KDM4B: variants seen among roughly 807,000 people sequenced by gnomAD.
KDM4B encodes the protein lysine demethylase 4B, also known as lysine-specific demethylase 4B.
In KDM4B, 32 loss-of-function variants were observed where a neutral mutation model predicts 125.2. The observed-to-expected ratio is 0.26, with a 90% CI of 0.19 to 0.34. The LOEUF is 0.34. KDM4B is among the 10% of genes least tolerant of loss of function. KDM4B has a pLI of 1.00. For synonymous variants in KDM4B, 721 were observed against 677.9 expected (o/e 1.06, Z -0.99); for missense variants, 1,190 against 1,577.7 (o/e 0.75, Z 4.16).
At chr19:5,079,972 G>A (rs546848079) in intron 8 of KDM4B, among the ~76,000 whole-genome samples, 17 of 152,266 alleles carry the variant, frequency 1.1e-4, no homozygotes, top group African/African-American at 2.9e-4. Flanking sequence ...AGAACCCCAC[G>A]TCCTGCACAG....
At chr19:5,131,801 G>A in intron 12 of KDM4B, 86 bp from the exon 13 acceptor site, 3 of 1,561,184 alleles carry the variant, frequency 1.9e-6, no homozygotes, top group Non-Finnish European at 1.8e-6. Flanking sequence ...CAGGCCTCAG[G>A]CACGCCGAGC....
At chr19:5,000,155 T>C (rs2035334116) in intron 1 of KDM4B, among the ~76,000 whole-genome samples, 1 of 101,090 alleles carries the variant, frequency 9.9e-6, no homozygotes, top group Non-Finnish European at 2.0e-5. Flanking sequence ...TTTACTCACC[T>C]ATCCATCTAT....
chr19:5,020,754 A>C (rs2036090741), intron 2 of KDM4B, among the ~76,000 whole-genome samples: 1 of 152,202 alleles, frequency 6.6e-6, no homozygotes, highest in Non-Finnish European at 1.5e-5. Flanking sequence ...TTCCTTGTTC[A>C]GGCCTCGTAA....
At chr19:5,060,242 C>G (rs1437130848) in intron 6 of KDM4B, among the ~76,000 whole-genome samples, 1 of 152,016 alleles carries the variant, frequency 6.6e-6, no homozygotes, top group East Asian at 1.9e-4. Context: ...AGTTTGAGAC[C>G]AGCCTGGCTA....
At chr19:5,148,618 C>T (rs945216323) in intron 21 of KDM4B, among the ~76,000 whole-genome samples, 7 of 152,170 alleles carry the variant, frequency 4.6e-5, no homozygotes, top group Admixed American at 3.3e-4. Context: ...GGGACTCCTG[C>T]AGTGGGAGCT....
At chr19:5,134,158 C>T in intron 14 of KDM4B, 97 bp downstream of exon 14, 1 of 1,204,532 alleles carries the variant, frequency 8.3e-7, no homozygotes, top group South Asian at 1.4e-5. Flanking sequence ...CTCTCTCACG[C>T]AGGGCAGGGT....
intron 14 of KDM4B, among the ~76,000 whole-genome samples, chr19:5,134,424 G>T (rs2039612906): frequency 6.6e-6 from 1 of 152,160 alleles, no homozygotes; most frequent in Non-Finnish European, 1.5e-5. Flanking sequence ...GGCCGGGCGG[G>T]GCTCCCGCAA....
intron 6 of KDM4B, among the ~76,000 whole-genome samples, chr19:5,068,598 G>A (rs928228585): frequency 2.0e-5 from 3 of 152,248 alleles, no homozygotes; most frequent in African/African-American, 7.2e-5. Flanking sequence ...GTGGCCGGGA[G>A]GCAGGTCTGC....
chr19:5,119,329 C>T (rs2039315791), intron 10 of KDM4B: 2 of 734,386 alleles, frequency 2.7e-6, no homozygotes, highest in Admixed American at 2.5e-5. Flanking sequence ...GCGGCTCCTG[C>T]CGCCCCGTCC....
intron 2 of KDM4B, among the ~76,000 whole-genome samples, chr19:5,030,021 G>A (rs1033907951): frequency 4.6e-5 from 7 of 152,244 alleles, no homozygotes; most frequent in Non-Finnish European, 1.0e-4. Flanking sequence ...TGACACTGCA[G>A]GGTGTGCTGC....
rs1167816424 is a variant in KDM4B at position 5,090,473 on chromosome 19, T to TC, written c.918+7976dup. On this transcript the variant is annotated intron_variant, in intron 9 of 22. Transcript: ENST00000159111. Reference sequence around the variant, plus strand: ...CCCCCTCTCTCTCCGCCTCTTTCTCTCCCCCCCTCTCTTTCTCTCCCCCTC... The same window carrying TC: ...CCCCCTCTCTCTCCGCCTCTTTCTCTCCCCCCCCTCTCTTTCTCTCCCCCTC... Among the ~76,000 whole-genome samples the TC allele has an allele frequency of 1.1e-4, 4 of 35,182 alleles. No individual in the cohort carries two copies. In the East Asian group the frequency reaches 3.0e-3, roughly 27 times the overall value. 23.1% of individuals were successfully genotyped at this position (35,182 alleles called of 152,430 possible).
chr19:5,047,295 C>T (rs145661559), intron 5 of KDM4B, among the ~76,000 whole-genome samples, 181 bp from the exon 6 acceptor site: 37 of 152,246 alleles, frequency 2.4e-4, no homozygotes, highest in African/African-American at 8.7e-4. Context: ...GAATCTCACA[C>T]AGGTTAAGAC....
intron 6 of KDM4B, among the ~76,000 whole-genome samples, chr19:5,066,755 G>C (rs991832654): frequency 2.0e-5 from 3 of 152,186 alleles, no homozygotes; most frequent in Non-Finnish European, 4.4e-5. Context: ...TCCAGATCCC[G>C]GGCTGGAGAT....
chr19:5,001,473 C>G (rs1360542048), intron 1 of KDM4B, among the ~76,000 whole-genome samples: 1 of 152,196 alleles, frequency 6.6e-6, no homozygotes, highest in African/African-American at 2.4e-5. Flanking sequence ...GAAGTCCACC[C>G]AGTGTCTCTC....
intron 9 of KDM4B, among the ~76,000 whole-genome samples, chr19:5,097,995 G>T (rs1272266172): frequency 1.3e-5 from 2 of 152,226 alleles, no homozygotes; most frequent in Admixed American, 1.3e-4. Context: ...CTCTGTGGAA[G>T]GTTTCTGCAT....
chr19:5,089,741 A>AG (rs1389059580), intron 9 of KDM4B, among the ~76,000 whole-genome samples: 1 of 150,710 alleles, frequency 6.6e-6, no homozygotes, highest in Non-Finnish European at 1.5e-5. Context: ...CCATAGTCAG[A>AG]GGGGTGTAGC....
At position 5,070,933 on chromosome 19, in the gene KDM4B, A is replaced by G. The variant is rs1004972279; in HGVS notation, c.627-77A>G. The G allele has an allele frequency of 6.0e-6, 9 of 1,498,284 alleles. No individual in the cohort carries two copies. The African/African-American group carries it at 6.9e-5, about 11-fold the overall frequency. The allele number at this position is 1,498,284 out of a possible 1,614,324, so 92.8% of individuals were successfully genotyped here. A position where few individuals can be genotyped will look rare whatever the true frequency, so the allele number is the denominator to read the frequency against. On this transcript the variant is annotated intron_variant, in intron 6 of 22. Transcript: ENST00000159111. ...CCTGGGCACTGTCTGCGTCTCCCCA[A>G]GGCTGGTCCCACCAGGGACACCCCC...
chr19:5,023,866 G>A (rs1001230688), intron 2 of KDM4B, among the ~76,000 whole-genome samples: 1 of 148,946 alleles, frequency 6.7e-6, no homozygotes. Context: ...TGTGCTCAAG[G>A]AATCCTCCTG....
At position 4,978,506 on chromosome 19, in the gene KDM4B, CAAAAAAAAAAAAAAA is replaced by C. The variant is rs58304162; in HGVS notation, c.-109+9293_-109+9307del. ...TGCACAATGGAGTGAGACTCTGTCT[CAAAAAAAAAAAAAAA>C]AAAAAAAAAAAAAAAAGAACATAAG... On this transcript the variant is annotated intron_variant, in intron 1 of 22. Transcript: ENST00000159111. Among the ~76,000 whole-genome samples, 693 of 36,488 alleles carry C rather than the reference CAAAAAAAAAAAAAAA, an allele frequency of 0.019. 39 individuals carry two copies. The Admixed American group carries it at 0.2, about 11-fold the overall frequency. The allele number at this position is 36,488 out of a possible 152,430, so 23.9% of individuals were successfully genotyped here. A position where few individuals can be genotyped will look rare whatever the true frequency, so the allele number is the denominator to read the frequency against.
Sources: gnomAD v4.1 joint callset for allele counts (sites outside exome capture counted in the v4.1 genomes callset) on GRCh38, gnomAD v4.1.1 for gene constraint, MANE v1.5 for transcripts, NCBI Gene and HGNC (gene_info 2026-07-23, HGNC 2026-07-21) for gene names.